The following WDFY1 variants were observed in gnomAD, a reference collection of about 807,000 sequenced individuals.
The protein encoded by WDFY1 is WD repeat and FYVE domain containing 1.
WDFY1 carries 32 observed loss-of-function variants against 56.4 expected under a neutral mutation model. The ratio of observed to expected loss-of-function variants is 0.57; its 90% CI spans 0.43 to 0.76. The LOEUF (loss-of-function observed/expected upper bound fraction) is 0.76, where lower values mean the gene tolerates loss of function less well. Ranked by LOEUF, WDFY1 falls within the 30% of genes least tolerant of loss-of-function variation. The pLI, the probability that WDFY1 is intolerant of heterozygous loss-of-function variation, is 0.00. For missense variants in WDFY1, 480 were observed against 545.7 expected, an observed-to-expected ratio of 0.88 and a Z score of 1.20; for synonymous variants, 192 against 197.3, an observed-to-expected ratio of 0.97 and a Z score of 0.23.
chr2:223,911,995 C>G (rs1383525518), intron 3 of WDFY1, among the ~76,000 whole-genome samples: 1 of 151,712 alleles, frequency 6.6e-6, no homozygotes, highest in South Asian at 2.1e-4. Flanking sequence ...TTTGATTTTT[C>G]GTTGAGATGA....
chr2:223,902,173 G>A (rs1433242446), intron 4 of WDFY1, among the ~76,000 whole-genome samples: 3 of 152,196 alleles, frequency 2.0e-5, no homozygotes, highest in Admixed American at 6.5e-5. Flanking sequence ...AAAAGTCTAC[G>A]TGCAGGTCAG....
At chr2:223,944,090 T>C (rs953454422) in intron 1 of WDFY1, among the ~76,000 whole-genome samples, 1 of 152,230 alleles carries the variant, frequency 6.6e-6, no homozygotes. Flanking sequence ...TGAGTCACTT[T>C]CACAAAAACC....
chr2:223,909,845 C>T (rs991435802), intron 3 of WDFY1, among the ~76,000 whole-genome samples: 4 of 152,296 alleles, frequency 2.6e-5, no homozygotes, highest in Non-Finnish European at 4.4e-5. Context: ...CCACTCTGGC[C>T]GTGCCTCAAT....
chr2:223,885,928 T>C (rs1693167893), intron 8 of WDFY1, among the ~76,000 whole-genome samples: 1 of 152,204 alleles, frequency 6.6e-6, no homozygotes, highest in African/African-American at 2.4e-5. Flanking sequence ...TTCTCCCCTC[T>C]AACCAATGAG....
In WDFY1 at chr2:223,877,412, C is replaced by G. The variant is rs1410552753; in HGVS notation, c.*1259G>C. On this transcript the variant is annotated 3_prime_UTR_variant, in exon 12 of 12. Transcript: ENST00000233055. ...GGCCCTTCTCCACTTACTTCCATATCCCTAGAGAAATAGATATATGTACTG... is the reference window on the plus strand; with the variant it reads ...GGCCCTTCTCCACTTACTTCCATATGCCTAGAGAAATAGATATATGTACTG... 1 of 151,866 alleles carries G rather than the reference C, an allele frequency of 6.6e-6. No individual in the cohort carries two copies. Among genetic ancestry groups the G allele is most frequent in the Admixed American group, 6.6e-5 (1 of 15,216 alleles). The allele number at this position is 151,866 out of a possible 1,614,324, so 9.4% of individuals were successfully genotyped here. A position where few individuals can be genotyped will look rare whatever the true frequency, so the allele number is the denominator to read the frequency against.
Position 223,912,289 on chromosome 2 carries a change from T to C in WDFY1, c.243A>G (p.Arg81=). ...CATTATCCTGGCCCACAAATATCCG[T>C]CTGCTGTCATGATGGTAAGCCATAG... ...CSAMAYHHDS[R]RIFVGQDNGA... is the part of the protein sequence containing the mutation. Residue 81 remains arginine (R), a synonymous_variant, in exon 3 of 12, where the codon AGA becomes AGG. Transcript: ENST00000233055. 2 of 1,611,088 alleles carry C rather than the reference T, an allele frequency of 1.2e-6. No homozygotes were observed. Among genetic ancestry groups the C allele is most frequent in the Non-Finnish European group, 1.7e-6 (2 of 1,179,156 alleles).
chr2:223,940,446 A>G (rs773020699), intron 1 of WDFY1, among the ~76,000 whole-genome samples: 15 of 152,212 alleles, frequency 9.9e-5, no homozygotes, highest in Admixed American at 2.6e-4. Flanking sequence ...GACTGTACCT[A>G]CCTTATAGGG....
rs557779908 is a variant in WDFY1, at chr2:223,928,152, G to T, written c.138-10142C>A. On this transcript the variant is annotated intron_variant, in intron 1 of 11. Coordinates refer to ENST00000233055, the MANE Select transcript of WDFY1 (RefSeq NM_020830.5). ...ATATAATAATAAAGTTTGGAATATT[G>T]CAAGAATTACCAAAATGTGACACAG... Among the ~76,000 whole-genome samples, 4 of 152,288 alleles carry T rather than the reference G, an allele frequency of 2.6e-5. No individual in the cohort carries two copies. The East Asian group carries it at 7.7e-4, about 29-fold the overall frequency.
chr2:223,885,768 T>C (rs1045739480), intron 8 of WDFY1, among the ~76,000 whole-genome samples: 4 of 152,166 alleles, frequency 2.6e-5, no homozygotes, highest in South Asian at 2.1e-4. Flanking sequence ...CCCCATCACC[T>C]AGTTGCTCTG....
chr2:223,896,172 A>AAAAAAAAAAC, intron 6 of WDFY1, among the ~76,000 whole-genome samples: 2 of 148,308 alleles, frequency 1.3e-5, no homozygotes, highest in East Asian at 1.9e-4. Flanking sequence ...AAAAAAAAAA[A>AAAAAAAAAAC]AAAAAAAAAA....
rs79195977 is a variant in WDFY1, at chr2:223,908,759, G to A, written c.280-2758C>T. On this transcript the variant is annotated intron_variant, in intron 3 of 11. Transcript: ENST00000233055. ...GGTTCCAGCACACACACCCAAGGTC[G>A]GTTCTCAAAACTGAACTCATCACCT... Among the ~76,000 whole-genome samples the A allele has an allele frequency of 3.9e-3, 588 of 152,176 alleles. 30 individuals carry two copies. In the East Asian group the frequency reaches 0.092, roughly 24 times the overall value.
At chr2:223,928,987 A>G (rs1694030730) in intron 1 of WDFY1, among the ~76,000 whole-genome samples, 1 of 152,168 alleles carries the variant, frequency 6.6e-6, no homozygotes, top group South Asian at 2.1e-4. Context: ...GGGCCTTGAT[A>G]GCATCGTTCC....
rs142721239 is a variant in WDFY1 at position 223,936,335 on chromosome 2, T to A, written c.137+8813A>T. Among the ~76,000 whole-genome samples the A allele has an allele frequency of 6.8e-3, 1,041 of 152,218 alleles. 7 individuals are homozygous for A. The highest frequency in any genetic ancestry group is 0.023 in the African/African-American group (954 of 41,514). ...CCTCAGCTTCCCCATGTTCTGTGAT[T>A]ACAGGCATGAGCCACTGCGCCCGGC... On this transcript the variant is annotated intron_variant, in intron 1 of 11. Transcript: ENST00000233055.
intron 4 of WDFY1, among the ~76,000 whole-genome samples, chr2:223,903,051 C>T (rs520116): frequency 0.93 from 141,657 of 152,198 alleles, 65,996 homozygotes; most frequent in South Asian, 0.96. Context: ...TGGTGAGATA[C>T]AGTCATGCTT....
At position 223,886,570 on chromosome 2, in the gene WDFY1, C is replaced by T. The variant is rs568514523; in HGVS notation, c.832-1821G>A. ...TGAAACCCCATCTCTACTAAAAACA[C>T]AAAATTAGCCAGGCGTGGTGGCACA... is the stretch of plus-strand genomic sequence containing the variant. On this transcript the variant is annotated intron_variant, in intron 8 of 11. Transcript: ENST00000233055. Among the ~76,000 whole-genome samples, 211 of 151,126 alleles carry T rather than the reference C, an allele frequency of 1.4e-3. 1 individual carries two copies. The South Asian group carries it at 0.017, about 12-fold the overall frequency.
rs375874389 is a variant in WDFY1 at position 223,882,086 on chromosome 2, C to G, written c.934-14G>C. On this transcript the variant is annotated splice_polypyrimidine_tract_variant and intron_variant, in intron 9 of 11. Transcript: ENST00000233055. Reference sequence around the variant, plus strand: ...CCTGCAGTGATGCTTCACAGGTGACCGGGAGGAGGAAAACAGGGTGTTAGC... The same window carrying G: ...CCTGCAGTGATGCTTCACAGGTGACGGGGAGGAGGAAAACAGGGTGTTAGC... The G allele has an allele frequency of 1.2e-6, 2 of 1,610,424 alleles. No homozygotes were observed. Among genetic ancestry groups the G allele is most frequent in the South Asian group, 1.1e-5 (1 of 90,792 alleles).
In WDFY1 at chr2:223,941,973, A is replaced by G. The variant is rs147356377; in HGVS notation, c.137+3175T>C. ...AGGAAGTTGCAAGAGCCTGAACACA[A>G]CAGAAACCTCAAACGCCAACCCCAT... On this transcript the variant is annotated intron_variant, in intron 1 of 11. Transcript: ENST00000233055. 3.5e-4 allele frequency among the ~76,000 whole-genome samples: 53 copies of G among 152,242 alleles called. No homozygotes were observed. The East Asian group carries it at 0.01, about 29-fold the overall frequency.
At position 223,877,760 on chromosome 2, in the gene WDFY1, A is replaced by T. The variant is rs1692994891; in HGVS notation, c.*911T>A. The T allele has an allele frequency of 6.6e-6, 1 of 152,666 alleles. No individual in the cohort carries two copies. The highest frequency in any genetic ancestry group is 6.5e-5 in the Admixed American group (1 of 15,272). The allele number at this position is 152,666 out of a possible 1,614,324, so 9.5% of individuals were successfully genotyped here. ...AATTGCCAGAATATTGCAGAGGCTC[A>T]TCTTGGAACAAGAAGTAGAATGCTG... On this transcript the variant is annotated 3_prime_UTR_variant, in exon 12 of 12. Coordinates refer to ENST00000233055, the MANE Select transcript of WDFY1 (RefSeq NM_020830.5).
intron 1 of WDFY1, among the ~76,000 whole-genome samples, chr2:223,940,575 T>C (rs1689284375): frequency 6.6e-6 from 1 of 152,178 alleles, no homozygotes; most frequent in South Asian, 2.1e-4. Context: ...GATCATATCA[T>C]TTGCTTGTTT....
Sources: allele counts gnomAD v4.1 joint callset (sites outside exome capture counted in the v4.1 genomes callset), GRCh38; gene constraint gnomAD v4.1.1; transcripts MANE v1.5; gene names NCBI Gene and HGNC (gene_info 2026-07-23, HGNC 2026-07-21).